The following SEMA3E variants were observed in gnomAD, a reference collection of about 807,000 sequenced individuals.
SEMA3E encodes the protein semaphorin-3E.
SEMA3E carries 49 observed loss-of-function variants against 93.6 expected under a neutral mutation model. That is an observed-to-expected ratio of 0.52 (90% CI 0.42 to 0.66). SEMA3E has a LOEUF of 0.66. Among genes scored for constraint, SEMA3E ranks in the 30% least tolerant of loss-of-function variants. The pLI, the probability that SEMA3E is intolerant of heterozygous loss-of-function variation, is 0.00. For missense variants in SEMA3E, 906 were observed against 964.8 expected, an observed-to-expected ratio of 0.94 and a Z score of 0.81; for synonymous variants, 363 against 330.7, an observed-to-expected ratio of 1.10 and a Z score of -1.06.
At chr7:83,497,489 T>G (rs2535378) in intron 1 of SEMA3E, among the ~76,000 whole-genome samples, 60,937 of 151,934 alleles carry the variant, frequency 0.4, 12,549 homozygotes, top group East Asian at 0.45. Flanking sequence ...TGAATTTCAG[T>G]CAGTAAGCAT....
chr7:83,600,480 C>A (rs866495076), intron 1 of SEMA3E, among the ~76,000 whole-genome samples: 24 of 136,002 alleles, frequency 1.8e-4, no homozygotes, highest in African/African-American at 6.3e-4. Context: ...CCACCACGCC[C>A]AGCTAATTTT....
intron 1 of SEMA3E, among the ~76,000 whole-genome samples, chr7:83,608,547 T>C (rs1584361718): frequency 6.6e-6 from 1 of 152,270 alleles, no homozygotes; most frequent in East Asian, 1.9e-4. Context: ...TTTTTCATAC[T>C]TTTAGTATGG....
chr7:83,581,706 A>G (rs1792521566), intron 1 of SEMA3E, among the ~76,000 whole-genome samples: 1 of 152,044 alleles, frequency 6.6e-6, no homozygotes, highest in Admixed American at 6.6e-5. Flanking sequence ...TCAATCTGGA[A>G]TTTGATCAAA....
intron 1 of SEMA3E, among the ~76,000 whole-genome samples, chr7:83,523,295 C>T (rs776381777): frequency 6.6e-6 from 1 of 151,836 alleles, no homozygotes; most frequent in Non-Finnish European, 1.5e-5. Context: ...CGTGTTTGTC[C>T]CAGATGAAAG....
chr7:83,605,286 G>T (rs536979942), intron 1 of SEMA3E, among the ~76,000 whole-genome samples: 5 of 152,016 alleles, frequency 3.3e-5, no homozygotes, highest in African/African-American at 1.2e-4. Flanking sequence ...CAGACTTGCC[G>T]GTATCTATTG....
chr7:83,428,514 TTAAA>T (rs574102770), intron 4 of SEMA3E, among the ~76,000 whole-genome samples: 3 of 152,312 alleles, frequency 2.0e-5, no homozygotes, highest in South Asian at 2.1e-4. Context: ...GTTTAATTCT[TTAAA>T]TAATAGCTAC....
intron 14 of SEMA3E, 142 bp downstream of exon 14, chr7:83,392,413 T>A (rs1788036129): frequency 1.7e-5 from 16 of 924,216 alleles, no homozygotes; most frequent in Middle Eastern, 4.7e-4. Context: ...AAATAAAAGG[T>A]CAACAGCATG....
intron 1 of SEMA3E, among the ~76,000 whole-genome samples, chr7:83,588,320 G>T (rs935849423): frequency 3.9e-5 from 6 of 152,046 alleles, no homozygotes; most frequent in Admixed American, 2.6e-4. Flanking sequence ...GACGGAGTTT[G>T]CAATGAGCTG....
chr7:83,438,419 A>C (rs2115773650), intron 4 of SEMA3E, among the ~76,000 whole-genome samples: 1 of 152,330 alleles, frequency 6.6e-6, no homozygotes. Flanking sequence ...GTTTCGTAGT[A>C]ATTGACATCA....
intron 5 of SEMA3E, among the ~76,000 whole-genome samples, chr7:83,413,361 T>A (rs1788482009): frequency 6.6e-6 from 1 of 152,238 alleles, no homozygotes; most frequent in South Asian, 2.1e-4. Flanking sequence ...AAATGTATGT[T>A]ATGCAAATCT....
chr7:83,564,944 A>C (rs1431393120), intron 1 of SEMA3E, among the ~76,000 whole-genome samples: 2 of 152,172 alleles, frequency 1.3e-5, no homozygotes, highest in African/African-American at 4.8e-5. Flanking sequence ...TAGGTAGACC[A>C]CTAGCCAGAC....
At chr7:83,438,857 G>A (rs1468048648) in intron 4 of SEMA3E, among the ~76,000 whole-genome samples, 4 of 151,970 alleles carry the variant, frequency 2.6e-5, no homozygotes, top group Non-Finnish European at 5.9e-5. Context: ...GAAGGATGGA[G>A]GTAATTATTT....
chr7:83,382,006 T>C (rs1358911366), intron 16 of SEMA3E, among the ~76,000 whole-genome samples: 1 of 151,978 alleles, frequency 6.6e-6, no homozygotes, highest in Non-Finnish European at 1.5e-5. Flanking sequence ...CATGCTCCAC[T>C]CAACTCTGAC....
chr7:83,536,471 C>A (rs1404447643), intron 1 of SEMA3E, among the ~76,000 whole-genome samples: 4 of 151,970 alleles, frequency 2.6e-5, no homozygotes, highest in African/African-American at 7.2e-5. Flanking sequence ...TAAATGGCAC[C>A]TTTTCTCATC....
At chr7:83,630,432 T>C (rs936927572) in intron 1 of SEMA3E, among the ~76,000 whole-genome samples, 3 of 152,200 alleles carry the variant, frequency 2.0e-5, no homozygotes, top group Non-Finnish European at 2.9e-5. Context: ...ATTAATATTA[T>C]ATTCAGATGT....
At position 83,435,095 on chromosome 7, in the gene SEMA3E, T is replaced by C. The variant is rs75549310; in HGVS notation, c.457-16612A>G. ...TAAAAATAAGTGTCCTTTTAGTCCA[T>C]ATTGTGTCCATTTAACAAACTAAAT... On this transcript the variant is annotated intron_variant, in intron 4 of 16. Transcript: ENST00000643230. Among the ~76,000 whole-genome samples the C allele has an allele frequency of 4.5e-3, 686 of 152,326 alleles. 10 individuals are homozygous for C. The highest frequency in any genetic ancestry group is 0.016 in the African/African-American group (664 of 41,578).
chr7:83,609,291 T>C (rs1793195905), intron 1 of SEMA3E, among the ~76,000 whole-genome samples: 1 of 151,956 alleles, frequency 6.6e-6, no homozygotes, highest in African/African-American at 2.4e-5. Flanking sequence ...GGTTTACATT[T>C]ACTAGAAAAA....
chr7:83,642,115 C>T (rs1794020304), intron 1 of SEMA3E, among the ~76,000 whole-genome samples: 1 of 152,088 alleles, frequency 6.6e-6, no homozygotes, highest in Non-Finnish European at 1.5e-5. Context: ...GTTTCCTATG[C>T]CAAAGCTACA....
intron 4 of SEMA3E, among the ~76,000 whole-genome samples, chr7:83,421,920 G>A (rs1488764615): frequency 6.6e-6 from 1 of 152,190 alleles, no homozygotes; most frequent in Non-Finnish European, 1.5e-5. Context: ...GCTCACGCCT[G>A]TAATCCCAGC....
Sources: gnomAD v4.1 joint callset for allele counts (sites outside exome capture counted in the v4.1 genomes callset) on GRCh38, gnomAD v4.1.1 for gene constraint, MANE v1.5 for transcripts, NCBI Gene and HGNC (gene_info 2026-07-23, HGNC 2026-07-21) for gene names.